Variants in MAP4K3 observed in about 807,000 individuals in gnomAD.
MAP4K3 encodes the protein MAPK/ERK kinase kinase kinase 3.
Under a neutral mutation model 143.5 loss-of-function variants are expected in MAP4K3, and 94 were observed. That is an observed-to-expected ratio of 0.65 (90% CI 0.55 to 0.78). The LOEUF is 0.78. Ranked by LOEUF, MAP4K3 falls within the 30% of genes least tolerant of loss-of-function variation. The probability of loss-of-function intolerance (pLI) is 0.00; values close to 1 mark genes in which losing one functional copy is unlikely to be tolerated. For synonymous variants in MAP4K3, 416 were observed against 347.2 expected (o/e 1.20, Z -2.20); for missense variants, 1,077 against 1,068.1 (o/e 1.01, Z -0.12).
At chr2:39,328,872 T>C (rs1291967942) in intron 8 of MAP4K3, among the ~76,000 whole-genome samples, 1 of 152,222 alleles carries the variant, frequency 6.6e-6, no homozygotes, top group Non-Finnish European at 1.5e-5. Flanking sequence ...ATATATGTCT[T>C]AAATTGAAAT....
intron 1 of MAP4K3, among the ~76,000 whole-genome samples, chr2:39,383,692 G>T (rs1666412646): frequency 6.6e-6 from 1 of 151,948 alleles, no homozygotes. Flanking sequence ...ATTAAATTTG[G>T]ATGATAAATT....
intron 2 of MAP4K3, among the ~76,000 whole-genome samples, chr2:39,375,164 T>G (rs1031367123): frequency 6.6e-6 from 1 of 151,942 alleles, no homozygotes; most frequent in South Asian, 2.1e-4. Flanking sequence ...GAGACTGAGG[T>G]AGAAGTATAC....
chr2:39,278,304 TA>T lies in MAP4K3; in HGVS notation c.1794+102del. On this transcript the variant is annotated intron_variant, in intron 24 of 33. Transcript: ENST00000263881. ...CAAAACAAAACAAAACAAAAAAGAA[TA>T]AAAGAGGCAGCAAGTCATGAAACTG... The T allele has an allele frequency of 8.0e-6, 5 of 628,672 alleles. No homozygotes were observed. In the South Asian group the frequency reaches 1.4e-4, roughly 17 times the overall value. The allele number at this position is 628,672 out of a possible 1,614,324, so 38.9% of individuals were successfully genotyped here.
intron 15 of MAP4K3, among the ~76,000 whole-genome samples, chr2:39,305,555 T>C (rs1423065361): frequency 1.3e-5 from 2 of 152,326 alleles, no homozygotes; most frequent in East Asian, 1.9e-4. Context: ...TTTGTTACCA[T>C]TGGGAGTGAG....
chr2:39,297,601 T>C (rs1312009124), intron 16 of MAP4K3, among the ~76,000 whole-genome samples: 1 of 152,082 alleles, frequency 6.6e-6, no homozygotes, highest in Non-Finnish European at 1.5e-5. Context: ...TCCTGCACGG[T>C]CTGGAATAGG....
chr2:39,280,029 G>GCT lies in MAP4K3; in HGVS notation c.1714+241_1714+242dup, dbSNP rs746046947. ...AACATTTCTGGAGGAAACTAGGGTG[G>GCT]CTCAGAATACATGGCTTCACTATAC... On this transcript the variant is annotated intron_variant, in intron 23 of 33. Transcript: ENST00000263881. Among the ~76,000 whole-genome samples the GCT allele has an allele frequency of 2.9e-4, 44 of 152,168 alleles. No homozygotes were observed. The East Asian group carries it at 8.3e-3, about 29-fold the overall frequency.
At chr2:39,292,610 C>A (rs903897046) in intron 18 of MAP4K3, among the ~76,000 whole-genome samples, 163 bp downstream of exon 18, 3 of 152,030 alleles carry the variant, frequency 2.0e-5, no homozygotes, top group African/African-American at 7.3e-5. Flanking sequence ...TTATGTCAGC[C>A]CAAGTTAATG....
rs1665514635 is a variant in MAP4K3 at position 39,437,064 on chromosome 2, C to G, written c.-77G>C. On this transcript the variant is annotated 5_prime_UTR_variant, in exon 1 of 34. Coordinates refer to ENST00000263881, the MANE Select transcript of MAP4K3 (RefSeq NM_003618.4). ...CTCAGGGGGCCACACGGAGAGAGGG[C>G]GCCGCGGCCGGCTCCCGGCTCCCCC... 2 of 1,107,648 alleles carry G rather than the reference C, an allele frequency of 1.8e-6. No homozygotes were observed. The highest frequency in any genetic ancestry group is 1.6e-5 in the South Asian group (1 of 61,814). The allele number at this position is 1,107,648 out of a possible 1,614,324, so 68.6% of individuals were successfully genotyped here.
chr2:39,263,599 G>A (rs548293304), intron 28 of MAP4K3, among the ~76,000 whole-genome samples: 1 of 152,118 alleles, frequency 6.6e-6, no homozygotes, highest in East Asian at 1.9e-4. Flanking sequence ...TCTTGACGCA[G>A]AGAGACACGG....
intron 1 of MAP4K3, among the ~76,000 whole-genome samples, chr2:39,387,333 T>C (rs1207268450): frequency 1.3e-5 from 2 of 152,214 alleles, no homozygotes; most frequent in Non-Finnish European, 2.9e-5. Flanking sequence ...AGAACTGACA[T>C]ATTTACTATG....
chr2:39,436,396 G>C (rs1256792163), intron 1 of MAP4K3, among the ~76,000 whole-genome samples: 1 of 151,976 alleles, frequency 6.6e-6, no homozygotes, highest in Non-Finnish European at 1.5e-5. Flanking sequence ...AAGGCTGAGA[G>C]CTGTCGATGG....
intron 1 of MAP4K3, among the ~76,000 whole-genome samples, chr2:39,385,631 ATTT>A (rs373126017): frequency 2.7e-4 from 32 of 120,462 alleles, no homozygotes; most frequent in Non-Finnish European, 4.6e-4. Flanking sequence ...ATGATTTGCA[ATTT>A]TTTTTTTTTT....
At chr2:39,278,341 C>G in intron 24 of MAP4K3, 66 bp downstream of exon 24, 1 of 871,486 alleles carries the variant, frequency 1.1e-6, no homozygotes, top group Non-Finnish European at 1.8e-6. Flanking sequence ...AACCTTATTT[C>G]TGGTCTAATG....
intron 2 of MAP4K3, among the ~76,000 whole-genome samples, chr2:39,369,180 A>G (rs1666006624): frequency 9.7e-6 from 1 of 103,084 alleles, no homozygotes; most frequent in South Asian, 3.2e-4. Flanking sequence ...GTAAAATCTA[A>G]ACCTTTGGGC....
At chr2:39,428,426 C>A (rs1231314961) in intron 1 of MAP4K3, among the ~76,000 whole-genome samples, 1 of 152,204 alleles carries the variant, frequency 6.6e-6, no homozygotes, top group Non-Finnish European at 1.5e-5. Flanking sequence ...GTAATCCCAG[C>A]ACTTTGGGAG....
chr2:39,316,305 A>G (rs1157982613), intron 12 of MAP4K3, among the ~76,000 whole-genome samples: 2 of 152,144 alleles, frequency 1.3e-5, no homozygotes, highest in African/African-American at 4.8e-5. Context: ...AAAAAGAAAA[A>G]GCTGAAAAAA....
chr2:39,333,382 G>C, intron 7 of MAP4K3, 150 bp downstream of exon 7: 1 of 616,928 alleles, frequency 1.6e-6, no homozygotes. Context: ...AGTGGATGCA[G>C]AGAGGTGACA....
chr2:39,301,543 T>C (rs1454136367), intron 15 of MAP4K3, among the ~76,000 whole-genome samples: 1 of 152,176 alleles, frequency 6.6e-6, no homozygotes, highest in Non-Finnish European at 1.5e-5. Flanking sequence ...ATACAATCTC[T>C]TAAGCCTTTA....
At chr2:39,301,903 A>G (rs1195866340) in intron 15 of MAP4K3, among the ~76,000 whole-genome samples, 1 of 152,106 alleles carries the variant, frequency 6.6e-6, no homozygotes. Flanking sequence ...TCGCGCCTGT[A>G]GTCCCAGCTA....
Sources: gnomAD v4.1 joint callset for allele counts (sites outside exome capture counted in the v4.1 genomes callset) on GRCh38, gnomAD v4.1.1 for gene constraint, MANE v1.5 for transcripts, NCBI Gene and HGNC (gene_info 2026-07-23, HGNC 2026-07-21) for gene names.